PPARG: variants seen among roughly 807,000 people sequenced by gnomAD.
The protein encoded by PPARG is peroxisome proliferator-activated receptor gamma.
In PPARG, 17 loss-of-function variants were observed where a neutral mutation model predicts 39.2. The observed-to-expected ratio is 0.43, with a 90% CI of 0.30 to 0.65. PPARG has a LOEUF of 0.65. Ranked by LOEUF, PPARG falls within the 30% of genes least tolerant of loss-of-function variation. PPARG has a pLI of 0.13. For missense variants in PPARG, 406 were observed against 585.9 expected (o/e 0.69, Z 3.17); for synonymous variants, 223 against 215.7 (o/e 1.03, Z -0.30).
chr3:12,404,347 G>A (rs4135277), intron 5 of PPARG, among the ~76,000 whole-genome samples: 1 of 152,156 alleles, frequency 6.6e-6, no homozygotes, highest in Admixed American at 6.5e-5. Flanking sequence ...AATTTATTTA[G>A]GGTCAATGGA....
chr3:12,429,101 G>A (rs1245680262), intron 7 of PPARG, among the ~76,000 whole-genome samples: 2 of 152,168 alleles, frequency 1.3e-5, no homozygotes, highest in Non-Finnish European at 2.9e-5. Flanking sequence ...GGCTCAGTCA[G>A]GGGGACAATG....
At chr3:12,393,453 C>G (rs539855961) in intron 5 of PPARG, among the ~76,000 whole-genome samples, 2 of 152,180 alleles carry the variant, frequency 1.3e-5, no homozygotes, top group East Asian at 3.9e-4. Context: ...TTTTCATGAT[C>G]TGTGGAACTA....
intron 2 of PPARG, among the ~76,000 whole-genome samples, chr3:12,341,441 C>T (rs1440800921): frequency 6.6e-6 from 1 of 152,168 alleles, no homozygotes; most frequent in East Asian, 1.9e-4. Flanking sequence ...AAGCAGTCTT[C>T]CTTTCTTGTA....
chr3:12,431,082 T>G (rs1314137480), intron 7 of PPARG, among the ~76,000 whole-genome samples: 1 of 152,078 alleles, frequency 6.6e-6, no homozygotes. Context: ...GAGCTCAAAT[T>G]TGAAATCAAT....
At chr3:12,394,785 A>G (rs1329870546) in intron 5 of PPARG, among the ~76,000 whole-genome samples, 9 of 152,238 alleles carry the variant, frequency 5.9e-5, no homozygotes, top group East Asian at 5.8e-4. Flanking sequence ...TCTAAATACA[A>G]AGTTTTCTAG....
At chr3:12,332,634 A>T (rs1284721666) in intron 2 of PPARG, among the ~76,000 whole-genome samples, 1 of 152,184 alleles carries the variant, frequency 6.6e-6, no homozygotes, top group Non-Finnish European at 1.5e-5. Context: ...TATTAATGTC[A>T]TCCAAATAGA....
chr3:12,340,051 T>C (rs956761487), intron 2 of PPARG, among the ~76,000 whole-genome samples: 3 of 152,204 alleles, frequency 2.0e-5, no homozygotes, highest in Non-Finnish European at 2.9e-5. Flanking sequence ...AACTCTCTTA[T>C]GGAAGCTCTC....
At chr3:12,289,804 G>A (rs555656600) in intron 1 of PPARG, among the ~76,000 whole-genome samples, 6 of 152,308 alleles carry the variant, frequency 3.9e-5, no homozygotes, top group Non-Finnish European at 7.4e-5. Context: ...GACACTCATA[G>A]ATGCTACCAG....
chr3:12,384,530 A>C (rs970133953), intron 4 of PPARG, among the ~76,000 whole-genome samples: 2 of 152,110 alleles, frequency 1.3e-5, no homozygotes. Context: ...TCATTATTTA[A>C]CCACATCCTA....
chr3:12,414,384 A>G (rs935544159), intron 6 of PPARG, among the ~76,000 whole-genome samples: 2 of 152,198 alleles, frequency 1.3e-5, no homozygotes, highest in African/African-American at 2.4e-5. Context: ...AGGGAGGCCA[A>G]AGCAGGACGA....
intron 7 of PPARG, among the ~76,000 whole-genome samples, chr3:12,417,877 C>CT (rs1248011965): frequency 7.1e-4 from 46 of 64,540 alleles, no homozygotes; most frequent in Non-Finnish European, 1.1e-3. Context: ...TGACTTTTTT[C>CT]TTTTTTTTTT....
intron 2 of PPARG, among the ~76,000 whole-genome samples, chr3:12,325,378 G>A (rs1050239667): frequency 7.2e-5 from 11 of 151,974 alleles, no homozygotes; most frequent in East Asian, 5.8e-4. Flanking sequence ...CCAAGATCAC[G>A]CCGTTGCACT....
At chr3:12,320,748 C>CG (rs2047519642) in intron 2 of PPARG, among the ~76,000 whole-genome samples, 1 of 152,282 alleles carries the variant, frequency 6.6e-6, no homozygotes, top group South Asian at 2.1e-4. Flanking sequence ...AGCATGGTGG[C>CG]GCCCGCCAGT....
At chr3:12,330,545 C>T (rs754604463) in intron 2 of PPARG, among the ~76,000 whole-genome samples, 13 of 152,126 alleles carry the variant, frequency 8.5e-5, no homozygotes, top group Admixed American at 3.3e-4. Context: ...CCATATTTCT[C>T]CACAAAGTCA....
At chr3:12,389,739 C>CA (rs953045402) in intron 4 of PPARG, among the ~76,000 whole-genome samples, 64 of 150,120 alleles carry the variant, frequency 4.3e-4, no homozygotes, top group African/African-American at 1.1e-3. Flanking sequence ...AAAAATACAA[C>CA]AAAAAAAAAG....
At chr3:12,402,702 C>T (rs1296829754) in intron 5 of PPARG, among the ~76,000 whole-genome samples, 2 of 152,128 alleles carry the variant, frequency 1.3e-5, no homozygotes, top group Middle Eastern at 3.4e-3. Context: ...CAAAATGTCC[C>T]GTGGAAGACA....
Position 12,381,355 on chromosome 3 carries a change from A to C in PPARG, c.254A>C (p.Tyr85Ser). ...AAAGTGGAGCCTGCATCTCCACCTTATTATTCTGAGAAGACTCAGCTCTAC... is the reference window on the plus strand; with the variant it reads ...AAAGTGGAGCCTGCATCTCCACCTTCTTATTCTGAGAAGACTCAGCTCTAC... ...AIKVEPASPP[Y>S]YSEKTQLYNK... The change falls in exon 4 of 8, where the codon TAT (tyrosine) becomes TCT (serine). Residue 85 changes from tyrosine (Y) to serine (S), a missense_variant. Coordinates refer to ENST00000651735, the MANE Select transcript of PPARG (RefSeq NM_138711.6). 1 of 1,613,372 alleles carries C rather than the reference A, an allele frequency of 6.2e-7. No individual in the cohort carries two copies. The highest frequency in any genetic ancestry group is 8.5e-7 in the Non-Finnish European group (1 of 1,179,690).
At chr3:12,320,752 C>T (rs1228641308) in intron 2 of PPARG, among the ~76,000 whole-genome samples, 1 of 152,130 alleles carries the variant, frequency 6.6e-6, no homozygotes, top group Middle Eastern at 3.2e-3. Context: ...TGGTGGCGCC[C>T]GCCAGTAATC....
At chr3:12,339,673 G>T (rs1007482340) in intron 2 of PPARG, among the ~76,000 whole-genome samples, 1 of 152,120 alleles carries the variant, frequency 6.6e-6, no homozygotes, top group East Asian at 1.9e-4. Context: ...CTGTACTTGG[G>T]CAAGGCCTGG....
Sources: gnomAD v4.1 joint callset for allele counts (sites outside exome capture counted in the v4.1 genomes callset) on GRCh38, gnomAD v4.1.1 for gene constraint, MANE v1.5 for transcripts, NCBI Gene and HGNC (gene_info 2026-07-23, HGNC 2026-07-21) for gene names.